Variants in ZC3H12B observed in about 807,000 individuals in gnomAD.
ZC3H12B encodes zinc finger CCCH-type containing 12B, also known as probable ribonuclease ZC3H12B.
A neutral mutation model predicts 43.9 loss-of-function variants in ZC3H12B; 7 were observed. That is an observed-to-expected ratio of 0.16 (90% CI 0.09 to 0.30). The LOEUF (loss-of-function observed/expected upper bound fraction) is 0.30, where lower values mean the gene tolerates loss of function less well. Among genes scored for constraint, ZC3H12B ranks in the 10% least tolerant of loss-of-function variants. The pLI, the probability that ZC3H12B is intolerant of heterozygous loss-of-function variation, is 1.00. For synonymous variants in ZC3H12B, 222 were observed against 241.7 expected (o/e 0.92, Z 0.76); for missense variants, 475 against 670.2 (o/e 0.71, Z 3.22).
At chrX:65,470,621 A>G (rs750570093) in intron 3 of ZC3H12B, among the ~76,000 whole-genome samples, 7 of 110,895 alleles carry the variant, frequency 6.3e-5, no homozygotes, top group Non-Finnish European at 1.3e-4. Context: ...TTATTCGAAG[A>G]AATACAAGAG....
the ZC3H12B span, among the ~76,000 whole-genome samples, chrX:65,296,172 T>C: frequency 1.8e-5 from 2 of 112,043 alleles, no homozygotes; most frequent in East Asian, 5.6e-4. Context: ...GGAATACTAC[T>C]CAGGCATAAA....
chrX:65,487,102 C>T (rs1343811177), upstream of ZC3H12B, among the ~76,000 whole-genome samples: 2 of 112,759 alleles, frequency 1.8e-5, no homozygotes, highest in African/African-American at 6.4e-5. Flanking sequence ...GTAATGTAAT[C>T]ATTCCAGGAG....
chrX:65,389,621 G>C (rs1351182365), intron 2 of ZC3H12B, among the ~76,000 whole-genome samples: 1 of 112,448 alleles, frequency 8.9e-6, no homozygotes, highest in African/African-American at 3.2e-5. Flanking sequence ...CTCATGCTTG[G>C]TGCACTGCAC....
At chrX:65,269,985 GT>G in the ZC3H12B span, among the ~76,000 whole-genome samples, 1 of 111,697 alleles carries the variant, frequency 9.0e-6, no homozygotes, top group Non-Finnish European at 1.9e-5. Context: ...ATTTAAGGTA[GT>G]TTCTATCAAA....
the ZC3H12B span, among the ~76,000 whole-genome samples, chrX:65,155,241 A>T: frequency 9.1e-6 from 1 of 110,469 alleles, no homozygotes; most frequent in East Asian, 2.9e-4. Context: ...TACAGGCATG[A>T]TCCACTGAGT....
intron 3 of ZC3H12B, among the ~76,000 whole-genome samples, chrX:65,404,863 ATACT>A (rs901883941): frequency 8.9e-6 from 1 of 112,246 alleles, no homozygotes; most frequent in Non-Finnish European, 1.9e-5. Context: ...AATCTAATAG[ATACT>A]TACAGAACAT....
chrX:65,174,569 C>G, the ZC3H12B span, among the ~76,000 whole-genome samples: 9 of 111,841 alleles, frequency 8.0e-5, no homozygotes, highest in African/African-American at 2.9e-4. Flanking sequence ...TTCAGAGATG[C>G]CCTGCCAGCG....
intron 3 of ZC3H12B, among the ~76,000 whole-genome samples, chrX:65,468,330 A>G (rs2067852786): frequency 9.0e-6 from 1 of 111,384 alleles, no homozygotes; most frequent in Non-Finnish European, 1.9e-5. Context: ...CTTTTATACC[A>G]TTACCATGCT....
chrX:65,392,035 G>T (rs944225215), intron 2 of ZC3H12B, among the ~76,000 whole-genome samples: 1 of 111,697 alleles, frequency 9.0e-6, no homozygotes, highest in Non-Finnish European at 1.9e-5. Context: ...CCGAGGTGCC[G>T]GGATTGCAGA....
At chrX:65,289,258 G>A in the ZC3H12B span, among the ~76,000 whole-genome samples, 1 of 110,436 alleles carries the variant, frequency 9.1e-6, no homozygotes, top group African/African-American at 3.3e-5. Context: ...AATTCACATG[G>A]AACACAAACA....
At chrX:65,261,807 G>T in the ZC3H12B span, among the ~76,000 whole-genome samples, 2 of 110,740 alleles carry the variant, frequency 1.8e-5, no homozygotes, top group Non-Finnish European at 1.9e-5. Flanking sequence ...TATAATGCAG[G>T]TAGTAAATAT....
chrX:65,160,140 T>C, the ZC3H12B span, among the ~76,000 whole-genome samples: 77 of 111,880 alleles, frequency 6.9e-4, no homozygotes, highest in Non-Finnish European at 1.0e-3. Flanking sequence ...ATAAGGTTTT[T>C]GATGTGCTGC....
the ZC3H12B span, among the ~76,000 whole-genome samples, chrX:65,066,569 G>A: frequency 2.7e-5 from 3 of 111,531 alleles, no homozygotes; most frequent in Non-Finnish European, 3.8e-5. Context: ...TGTATGAGGC[G>A]TCTGTCGACC....
chrX:65,444,791 T>A (rs1296358304), intron 3 of ZC3H12B, among the ~76,000 whole-genome samples: 1 of 112,191 alleles, frequency 8.9e-6, no homozygotes, highest in Non-Finnish European at 1.9e-5. Context: ...ATAAACTTTC[T>A]ATGCTGATCT....
chrX:65,038,906 A>G, the ZC3H12B span, among the ~76,000 whole-genome samples: 1 of 111,381 alleles, frequency 9.0e-6, no homozygotes, highest in Middle Eastern at 4.2e-3. Flanking sequence ...TGGACTAAAA[A>G]TTTTCCCAGC....
chrX:65,180,727 A>G, the ZC3H12B span, among the ~76,000 whole-genome samples: 1 of 111,463 alleles, frequency 9.0e-6, no homozygotes, highest in African/African-American at 3.3e-5. Flanking sequence ...GACCTCTTCA[A>G]GCAGAACTAC....
the ZC3H12B span, chrX:65,273,032 G>A: frequency 8.9e-6 from 1 of 112,132 alleles, no homozygotes; most frequent in East Asian, 2.8e-4. Flanking sequence ...TAACATTCTG[G>A]ATAACACTGG....
chrX:65,116,840 C>A, the ZC3H12B span, among the ~76,000 whole-genome samples: 1 of 111,389 alleles, frequency 9.0e-6, no homozygotes, highest in East Asian at 2.8e-4. Context: ...TGATACTTTG[C>A]TCAGAATGAT....
At chrX:65,188,055 A>G in the ZC3H12B span, among the ~76,000 whole-genome samples, 2 of 111,664 alleles carry the variant, frequency 1.8e-5, no homozygotes, top group African/African-American at 6.5e-5. Flanking sequence ...GAGAACATGC[A>G]TAGTTTGTCT....
Sources: allele counts gnomAD v4.1 joint callset (sites outside exome capture counted in the v4.1 genomes callset), GRCh38; gene constraint gnomAD v4.1.1; transcripts MANE v1.5; gene names NCBI Gene and HGNC (gene_info 2026-07-23, HGNC 2026-07-21).